Variants in CNTN4 observed in about 807,000 individuals in gnomAD.
CNTN4 encodes the protein contactin 4, also known as contactin-4.
A neutral mutation model predicts 122.5 loss-of-function variants in CNTN4; 77 were observed. That is an observed-to-expected ratio of 0.63 (90% CI 0.52 to 0.76). CNTN4 has a LOEUF of 0.76. Among genes scored for constraint, CNTN4 ranks in the 30% least tolerant of loss-of-function variants. The pLI is 0.00. For synonymous variants in CNTN4, 512 were observed against 447.0 expected, an observed-to-expected ratio of 1.15 and a Z score of -1.83; for missense variants, 1,256 against 1,259.1, an observed-to-expected ratio of 1.00 and a Z score of 0.04.
At chr3:3,056,055 G>A (rs906120704) in intron 24 of CNTN4, 65 bp from the exon 25 acceptor site, 4 of 1,192,372 alleles carry the variant, frequency 3.4e-6, no homozygotes, top group East Asian at 2.3e-5. Context: ...AAAAAGCCCC[G>A]TGGCCCCTCT....
chr3:2,997,875 A>G (rs1341717693), intron 14 of CNTN4, among the ~76,000 whole-genome samples: 1 of 152,210 alleles, frequency 6.6e-6, no homozygotes, highest in African/African-American at 2.4e-5. Context: ...TGCAAGACAT[A>G]ATTAAGTGAA....
chr3:2,788,638 A>C (rs1044338157), intron 6 of CNTN4, among the ~76,000 whole-genome samples: 3 of 152,242 alleles, frequency 2.0e-5, no homozygotes, highest in Non-Finnish European at 2.9e-5. Flanking sequence ...AATCCCATAA[A>C]GACTCCTATT....
chr3:2,897,045 G>A (rs930989412), intron 10 of CNTN4, among the ~76,000 whole-genome samples: 5 of 149,770 alleles, frequency 3.3e-5, no homozygotes, highest in Admixed American at 6.7e-5. Flanking sequence ...TTAGAAAATC[G>A]AAGCGCCAAA....
intron 3 of CNTN4, among the ~76,000 whole-genome samples, chr3:2,563,601 C>G (rs1319010998): frequency 6.6e-6 from 1 of 152,074 alleles, no homozygotes; most frequent in African/African-American, 2.4e-5. Context: ...ACTGTATACT[C>G]TCACAAATAC....
chr3:2,472,963 G>C (rs2075729212), intron 3 of CNTN4, among the ~76,000 whole-genome samples: 1 of 152,124 alleles, frequency 6.6e-6, no homozygotes, highest in South Asian at 2.1e-4. Context: ...GCAGGGCGTG[G>C]TGGCTCATGC....
At chr3:3,042,258 C>G (rs1700229827) in intron 20 of CNTN4, 52 bp from the exon 21 acceptor site, 1 of 1,239,610 alleles carries the variant, frequency 8.1e-7, no homozygotes, top group Middle Eastern at 1.9e-4. Context: ...TATCTACAAT[C>G]CTGTCCTAAT....
In CNTN4 at chr3:2,329,076, A is replaced by G. The variant is rs142294061; in HGVS notation, c.-144-10102A>G. ...ACAAATGGAAAATAATAAAATAAAA[A>G]TTTTCACAAATGGAAAATTAACATA... On this transcript the variant is annotated intron_variant, in intron 2 of 24. Transcript: ENST00000418658. 1.9e-3 allele frequency among the ~76,000 whole-genome samples: 284 copies of G among 152,328 alleles called. 1 individual carries two copies. The highest frequency in any genetic ancestry group is 6.3e-3 in the African/African-American group (263 of 41,570).
At chr3:2,785,270 TCCAAGTCTGAATGCTTGAGAA>T (rs1203802526) in intron 6 of CNTN4, among the ~76,000 whole-genome samples, 1 of 152,100 alleles carries the variant, frequency 6.6e-6, no homozygotes, top group Non-Finnish European at 1.5e-5. Context: ...ATAATTCCAG[TCCAAGTCTGAATGCTTGAGAA>T]CCAGGGGTGC....
intron 6 of CNTN4, among the ~76,000 whole-genome samples, chr3:2,755,165 T>G (rs749236598): frequency 1.5e-4 from 23 of 152,208 alleles, no homozygotes; most frequent in Non-Finnish European, 2.9e-4. Flanking sequence ...TAGCTTATCC[T>G]TCATAGCCAA....
At chr3:2,433,309 G>C (rs942628995) in intron 3 of CNTN4, among the ~76,000 whole-genome samples, 10 of 152,086 alleles carry the variant, frequency 6.6e-5, no homozygotes, top group African/African-American at 2.4e-4. Context: ...CACTTCCTTT[G>C]TCTCTTCCAT....
At chr3:2,408,235 G>T (rs2047108347) in intron 3 of CNTN4, among the ~76,000 whole-genome samples, 1 of 152,230 alleles carries the variant, frequency 6.6e-6, no homozygotes, top group African/African-American at 2.4e-5. Context: ...AATTACAAAG[G>T]TTCACAAGGT....
intron 2 of CNTN4, among the ~76,000 whole-genome samples, chr3:2,219,973 GT>G (rs1271832342): frequency 6.6e-6 from 1 of 151,828 alleles, no homozygotes; most frequent in Admixed American, 6.6e-5. Context: ...AGAAAATATT[GT>G]TTTTTTGCTT....
intron 2 of CNTN4, among the ~76,000 whole-genome samples, chr3:2,247,234 TAG>T (rs1286000319): frequency 1.2e-4 from 18 of 152,024 alleles, no homozygotes; most frequent in Admixed American, 2.6e-4. Context: ...CCAGCTCTGC[TAG>T]AGTGTTGAAT....
chr3:2,190,331 G>GTTT (rs1553598526), intron 2 of CNTN4, among the ~76,000 whole-genome samples: 135 of 147,232 alleles, frequency 9.2e-4, no homozygotes, highest in African/African-American at 3.2e-3. Context: ...GTGTCTTTGT[G>GTTT]TTTTTTTTTT....
chr3:2,859,794 C>T (rs367756720), intron 7 of CNTN4, among the ~76,000 whole-genome samples: 1 of 152,156 alleles, frequency 6.6e-6, no homozygotes, highest in Admixed American at 6.5e-5. Flanking sequence ...ATTGTCTAAA[C>T]AATGAGTTAA....
At chr3:2,690,368 A>G (rs2085666114) in intron 4 of CNTN4, among the ~76,000 whole-genome samples, 1 of 152,160 alleles carries the variant, frequency 6.6e-6, no homozygotes, top group Non-Finnish European at 1.5e-5. Flanking sequence ...GCCGTTTAGC[A>G]TATCAGAATG....
chr3:2,988,231 C>A, intron 13 of CNTN4, 114 bp from the exon 14 acceptor site: 1 of 1,012,936 alleles, frequency 9.9e-7, no homozygotes. Flanking sequence ...ATCTTTACTA[C>A]AAATAATGTA....
intron 3 of CNTN4, among the ~76,000 whole-genome samples, chr3:2,538,778 T>G (rs924819944): frequency 1.3e-5 from 2 of 152,110 alleles, no homozygotes; most frequent in African/African-American, 4.8e-5. Flanking sequence ...GTTATTTTTC[T>G]TATGTATTCA....
chr3:2,981,198 A>G (rs1027645003), intron 13 of CNTN4, among the ~76,000 whole-genome samples: 1 of 152,088 alleles, frequency 6.6e-6, no homozygotes, highest in Admixed American at 6.5e-5. Flanking sequence ...TAGTACCAGC[A>G]CTTTGGCAGG....
Sources: gnomAD v4.1 joint callset for allele counts (sites outside exome capture counted in the v4.1 genomes callset) on GRCh38, gnomAD v4.1.1 for gene constraint, MANE v1.5 for transcripts, NCBI Gene and HGNC (gene_info 2026-07-23, HGNC 2026-07-21) for gene names.